MGMT: variants seen among roughly 807,000 people sequenced by gnomAD.
MGMT encodes methylated-DNA--protein-cysteine methyltransferase.
MGMT carries 14 observed loss-of-function variants against 15.9 expected under a neutral mutation model. The ratio of observed to expected loss-of-function variants is 0.88; its 90% CI spans 0.58 to 1.37. MGMT has a LOEUF of 1.37. MGMT is among the 40% of genes most tolerant of loss of function. MGMT has a pLI of 0.00. For missense variants in MGMT, 282 were observed against 268.1 expected (o/e 1.05, Z -0.36); for synonymous variants, 130 against 118.2 (o/e 1.10, Z -0.65).
intron 1 of MGMT, among the ~76,000 whole-genome samples, chr10:129,471,735 T>C (rs1845233595): frequency 6.6e-6 from 1 of 152,100 alleles, no homozygotes; most frequent in South Asian, 2.1e-4. Flanking sequence ...TGCCAGGGGA[T>C]TCTGGCAGAC....
intron 2 of MGMT, among the ~76,000 whole-genome samples, chr10:129,614,187 G>A (rs1846994255): frequency 6.6e-6 from 1 of 152,034 alleles, no homozygotes; most frequent in Non-Finnish European, 1.5e-5. Flanking sequence ...ATTGTCTTTT[G>A]TGACTGGCTT....
At chr10:129,728,806 C>T (rs1848462900) in intron 3 of MGMT, among the ~76,000 whole-genome samples, 1 of 151,972 alleles carries the variant, frequency 6.6e-6, no homozygotes, top group African/African-American at 2.4e-5. Flanking sequence ...ATGCCAGCCC[C>T]AATGCCCCCG....
In MGMT at chr10:129,565,166, G is replaced by A. The variant is rs543530318; in HGVS notation, c.125+28789G>A. ...GAAGCCTGCTCCTCGTGTGGGGCCC[G>A]GCGCGAAAACAGCTTGTGCAGCCGC... On this transcript the variant is annotated intron_variant, in intron 2 of 4. Transcript: ENST00000651593. Among the ~76,000 whole-genome samples the A allele has an allele frequency of 3.3e-5, 5 of 152,306 alleles. 1 individual carries two copies. The highest frequency in any genetic ancestry group is 6.5e-5 in the Admixed American group (1 of 15,304).
At chr10:129,706,607 TTGTC>T (rs1300955982) in intron 2 of MGMT, among the ~76,000 whole-genome samples, 2 of 152,000 alleles carry the variant, frequency 1.3e-5, no homozygotes, top group Admixed American at 6.6e-5. Flanking sequence ...AGCATGCCGT[TTGTC>T]TGGGGCCTCG....
At chr10:129,638,231 G>A (rs1240320231) in intron 2 of MGMT, among the ~76,000 whole-genome samples, 1 of 152,004 alleles carries the variant, frequency 6.6e-6, no homozygotes, top group Non-Finnish European at 1.5e-5. Flanking sequence ...CAGCTTTCCT[G>A]AAGTGGAGAG....
At chr10:129,647,252 A>G (rs1589913642) in intron 2 of MGMT, among the ~76,000 whole-genome samples, 1 of 146,970 alleles carries the variant, frequency 6.8e-6, no homozygotes, top group Non-Finnish European at 1.5e-5. Flanking sequence ...GCAGCTGGGG[A>G]GGGATTCAGG....
intron 3 of MGMT, among the ~76,000 whole-genome samples, chr10:129,737,211 T>G (rs1185301193): frequency 6.6e-6 from 1 of 152,212 alleles, no homozygotes; most frequent in African/African-American, 2.4e-5. Context: ...AGACATAGAT[T>G]TGGTATTTTC....
At chr10:129,567,601 A>AG (rs1846371454) in intron 2 of MGMT, among the ~76,000 whole-genome samples, 1 of 151,948 alleles carries the variant, frequency 6.6e-6, no homozygotes, top group Admixed American at 6.6e-5. Flanking sequence ...GGGAAAAAAA[A>AG]CCTCCTGGAG....
At chr10:129,573,012 T>G (rs2133040515) in intron 2 of MGMT, among the ~76,000 whole-genome samples, 1 of 152,332 alleles carries the variant, frequency 6.6e-6, no homozygotes, top group East Asian at 1.9e-4. Flanking sequence ...TATAATCAAT[T>G]CTGAGAAGTA....
intron 3 of MGMT, among the ~76,000 whole-genome samples, chr10:129,748,550 T>A (rs1318481326): frequency 6.6e-6 from 1 of 152,172 alleles, no homozygotes; most frequent in African/African-American, 2.4e-5. Context: ...TCTTTTATTA[T>A]AAAATGCATG....
At chr10:129,675,086 C>T (rs1219255120) in intron 2 of MGMT, among the ~76,000 whole-genome samples, 2 of 152,140 alleles carry the variant, frequency 1.3e-5, no homozygotes, top group Non-Finnish European at 2.9e-5. Flanking sequence ...AAGAAGGACC[C>T]CACCTTGCAC....
At chr10:129,720,297 C>G (rs1020467668) in intron 3 of MGMT, among the ~76,000 whole-genome samples, 1 of 152,226 alleles carries the variant, frequency 6.6e-6, no homozygotes, top group African/African-American at 2.4e-5. Flanking sequence ...TGGGATGACA[C>G]GTTCAAAGCG....
chr10:129,712,851 AG>A (rs1204749182), intron 3 of MGMT, among the ~76,000 whole-genome samples: 5 of 152,180 alleles, frequency 3.3e-5, no homozygotes, highest in Admixed American at 3.3e-4. Context: ...ACTCACATCC[AG>A]GAAAGAGCCC....
In MGMT at chr10:129,770,934, TTC is replaced by T. The variant is rs142830250; in HGVS notation, c.*3939_*3940del. On this transcript the variant is annotated 3_prime_UTR_variant, in exon 5 of 5. Transcript: ENST00000651593. The stretch of plus-strand genomic sequence containing the variant: ...TCAGACCGTGTGGGTTTTTTTTTCT[TTC>T]TTTCTTTCCTGTTCATGGGCATTTG... 0.05 allele frequency among the ~76,000 whole-genome samples: 7,608 copies of T among 152,154 alleles called. 628 individuals carry two copies. Among genetic ancestry groups the T allele is most frequent in the African/African-American group, 0.17 (7,057 of 41,456 alleles).
intron 4 of MGMT, among the ~76,000 whole-genome samples, chr10:129,761,094 G>A (rs989441248): frequency 2.6e-5 from 4 of 152,174 alleles, no homozygotes; most frequent in African/African-American, 9.7e-5. Context: ...AGTCAATTTT[G>A]AGGTGTTCAA....
At chr10:129,496,674 A>G (rs973678807) in intron 1 of MGMT, among the ~76,000 whole-genome samples, 1 of 152,134 alleles carries the variant, frequency 6.6e-6, no homozygotes, top group Non-Finnish European at 1.5e-5. Context: ...CACTGAGGCT[A>G]GCTGTCCCGT....
In MGMT at chr10:129,657,647, G is replaced by C. The variant is rs188940770; in HGVS notation, c.126-50248G>C. Among the ~76,000 whole-genome samples the C allele has an allele frequency of 7.1e-3, 1,070 of 149,814 alleles. 11 individuals are homozygous for C. The highest frequency in any genetic ancestry group is 0.025 in the African/African-American group (1,007 of 40,374). On this transcript the variant is annotated intron_variant, in intron 2 of 4. Coordinates refer to ENST00000651593, the MANE Select transcript of MGMT (RefSeq NM_002412.5). ...AGCCTGGAGGAGGAGCTGGAGCTGG[G>C]GGGGGGACAGGCTGGCCAGCTCCTC...
intron 2 of MGMT, among the ~76,000 whole-genome samples, chr10:129,555,581 G>T (rs1161807008): frequency 6.6e-6 from 1 of 152,072 alleles, no homozygotes; most frequent in Non-Finnish European, 1.5e-5. Context: ...CAGGCCTGGT[G>T]GAAGGCGTCT....
chr10:129,494,426 A>G (rs947881871), intron 1 of MGMT, among the ~76,000 whole-genome samples: 2 of 152,190 alleles, frequency 1.3e-5, no homozygotes, highest in African/African-American at 4.8e-5. Context: ...GCTGCGTGTC[A>G]GCCGGTGAAC....
Sources: allele counts gnomAD v4.1 joint callset (sites outside exome capture counted in the v4.1 genomes callset), GRCh38; gene constraint gnomAD v4.1.1; transcripts MANE v1.5; gene names NCBI Gene and HGNC (gene_info 2026-07-23, HGNC 2026-07-21).